ARHGEF7: variants seen among roughly 807,000 people sequenced by gnomAD.
ARHGEF7 encodes the protein Rho guanine nucleotide exchange factor 7, also known as PAK-interacting exchange factor beta.
Under a neutral mutation model 109.8 loss-of-function variants are expected in ARHGEF7, and 33 were observed. That is an observed-to-expected ratio of 0.30 (90% CI 0.23 to 0.40). ARHGEF7 has a LOEUF of 0.40. Among genes scored for constraint, ARHGEF7 ranks in the 10% least tolerant of loss-of-function variants. The pLI is 1.00. For synonymous variants in ARHGEF7, 458 were observed against 424.6 expected (o/e 1.08, Z -0.97); for missense variants, 938 against 1,098.5 (o/e 0.85, Z 2.07).
chr13:111,243,401 C>T (rs529520797), intron 6 of ARHGEF7, among the ~76,000 whole-genome samples: 8 of 152,168 alleles, frequency 5.3e-5, no homozygotes, highest in Non-Finnish European at 1.2e-4. Context: ...GTTGTCCACG[C>T]CCCCATCCTA....
At chr13:111,129,876 G>A (rs2074651027) in intron 1 of ARHGEF7, among the ~76,000 whole-genome samples, 1 of 152,182 alleles carries the variant, frequency 6.6e-6, no homozygotes, top group Non-Finnish European at 1.5e-5. Flanking sequence ...ACTTTGAGAT[G>A]TCTGCCCAAG....
intron 16 of ARHGEF7, among the ~76,000 whole-genome samples, chr13:111,285,875 C>T (rs557051962): frequency 6.6e-6 from 1 of 151,786 alleles, no homozygotes; most frequent in Middle Eastern, 3.4e-3. Flanking sequence ...CACCTCTCAT[C>T]ACAGGACTAA....
intron 15 of ARHGEF7, 102 bp downstream of exon 15, chr13:111,280,779 G>T: frequency 3.1e-6 from 4 of 1,309,624 alleles, no homozygotes; most frequent in East Asian, 5.0e-5. Flanking sequence ...ATCAATATTT[G>T]GATAAAAAGT....
In ARHGEF7 at chr13:111,136,365, G is replaced by T. The variant is rs1165207012; in HGVS notation, c.166-17540G>T. 2.6e-5 allele frequency among the ~76,000 whole-genome samples: 4 copies of T among 151,210 alleles called. No individual in the cohort carries two copies. In the East Asian group the frequency reaches 7.7e-4, roughly 29 times the overall value. Reference sequence around the variant, plus strand: ...GGAAGTAAAGCACTCTTCAGCAAATGTAAAAGAACAGAAATTATAACAAAC... The same window carrying T: ...GGAAGTAAAGCACTCTTCAGCAAATTTAAAAGAACAGAAATTATAACAAAC... On this transcript the variant is annotated intron_variant, in intron 1 of 21. Coordinates refer to ENST00000646102, the MANE Select transcript of ARHGEF7 (RefSeq NM_001354046.2).
At chr13:111,142,767 C>G (rs2075406103) in intron 1 of ARHGEF7, among the ~76,000 whole-genome samples, 1 of 152,242 alleles carries the variant, frequency 6.6e-6, no homozygotes, top group South Asian at 2.1e-4. Context: ...ATGGCTCCCT[C>G]CTGCTTCACC....
intron 5 of ARHGEF7, among the ~76,000 whole-genome samples, chr13:111,231,081 C>G (rs2085978125): frequency 6.6e-6 from 1 of 152,170 alleles, no homozygotes. Context: ...ACGAAGTTCA[C>G]TTCACCGGCA....
At chr13:111,143,923 A>ATC (rs2075467835) in intron 1 of ARHGEF7, 1 of 152,262 alleles carries the variant, frequency 6.6e-6, no homozygotes, top group Non-Finnish European at 1.5e-5. Flanking sequence ...GGTGAAATGT[A>ATC]TTCTGGGTTA....
intron 19 of ARHGEF7, among the ~76,000 whole-genome samples, chr13:111,298,852 G>T (rs182823035): frequency 0.011 from 1,717 of 152,290 alleles, 17 homozygotes; most frequent in Non-Finnish European, 0.019. Context: ...CTTTGAAGGG[G>T]CATTTGGCCC....
chr13:111,236,269 A>C (rs2086809441), intron 6 of ARHGEF7, among the ~76,000 whole-genome samples: 1 of 152,148 alleles, frequency 6.6e-6, no homozygotes, highest in African/African-American at 2.4e-5. Flanking sequence ...TTCTTTGGAC[A>C]TATTTATAAC....
At chr13:111,200,385 T>C (rs537614831) in intron 2 of ARHGEF7, among the ~76,000 whole-genome samples, 1 of 152,234 alleles carries the variant, frequency 6.6e-6, no homozygotes, top group Non-Finnish European at 1.5e-5. Context: ...CCACTCACCT[T>C]CACCTTTCTC....
chr13:111,133,813 ATTTAT>A (rs2074946382), intron 1 of ARHGEF7, among the ~76,000 whole-genome samples: 1 of 69,974 alleles, frequency 1.4e-5, no homozygotes, highest in Non-Finnish European at 2.9e-5. Context: ...ATATATATAT[ATTTAT>A]TATACTTTAA....
intron 2 of ARHGEF7, among the ~76,000 whole-genome samples, chr13:111,166,415 A>G (rs554960422): frequency 1.3e-5 from 2 of 152,306 alleles, no homozygotes; most frequent in Admixed American, 1.3e-4. Context: ...AAGTTTTAAC[A>G]GGATCATTTT....
intron 2 of ARHGEF7, among the ~76,000 whole-genome samples, chr13:111,174,416 A>G (rs2077916013): frequency 6.6e-6 from 1 of 152,072 alleles, no homozygotes; most frequent in South Asian, 2.1e-4. Context: ...TCCTTGACAG[A>G]TTTCTGCCCA....
chr13:111,159,543 A>G (rs561308263), intron 2 of ARHGEF7, among the ~76,000 whole-genome samples: 21 of 152,320 alleles, frequency 1.4e-4, no homozygotes, highest in African/African-American at 5.1e-4. Flanking sequence ...CCTTGCCAAC[A>G]CCTGTCGCCT....
intron 17 of ARHGEF7, among the ~76,000 whole-genome samples, chr13:111,287,376 G>A (rs1468933366): frequency 6.6e-6 from 1 of 152,212 alleles, no homozygotes; most frequent in Non-Finnish European, 1.5e-5. Flanking sequence ...AGATCCAGGG[G>A]CAGCACTGAG....
At chr13:111,163,139 C>A (rs1182070730) in intron 2 of ARHGEF7, among the ~76,000 whole-genome samples, 1 of 152,130 alleles carries the variant, frequency 6.6e-6, no homozygotes, top group African/African-American at 2.4e-5. Context: ...AAGCTTATTC[C>A]TGTGTAGGAC....
intron 8 of ARHGEF7, among the ~76,000 whole-genome samples, chr13:111,244,854 A>G (rs1489120781): frequency 6.6e-6 from 1 of 152,242 alleles, no homozygotes; most frequent in African/African-American, 2.4e-5. Context: ...GTGAGAAATA[A>G]GTTTTATTCT....
intron 5 of ARHGEF7, among the ~76,000 whole-genome samples, chr13:111,219,906 T>A (rs568167642): frequency 1.3e-5 from 2 of 152,258 alleles, no homozygotes; most frequent in East Asian, 1.9e-4. Context: ...GTACATGACA[T>A]CCTTTAAAAA....
In ARHGEF7 at chr13:111,231,481, G is replaced by T. The variant is rs189239351; in HGVS notation, c.671-1724G>T. 1.1e-4 allele frequency among the ~76,000 whole-genome samples: 17 copies of T among 152,302 alleles called. No individual in the cohort carries two copies. The East Asian group carries it at 3.3e-3, about 29-fold the overall frequency. ...CAGTGAGGCATTGAAGGAAGATTTA[G>T]AAACTTGACAGTGAGGCATTGAAGG... On this transcript the variant is annotated intron_variant, in intron 5 of 21. Coordinates refer to ENST00000646102, the MANE Select transcript of ARHGEF7 (RefSeq NM_001354046.2).
Sources: allele counts gnomAD v4.1 joint callset (sites outside exome capture counted in the v4.1 genomes callset), GRCh38; gene constraint gnomAD v4.1.1; transcripts MANE v1.5; gene names NCBI Gene and HGNC (gene_info 2026-07-23, HGNC 2026-07-21).